IMMP2L: variants seen among roughly 807,000 people sequenced by gnomAD.
IMMP2L encodes mitochondrial inner membrane protease subunit 2.
IMMP2L carries 18 observed loss-of-function variants against 19.3 expected under a neutral mutation model. That is an observed-to-expected ratio of 0.93 (90% CI 0.64 to 1.38). IMMP2L has a LOEUF of 1.38. Ranked by LOEUF, IMMP2L falls within the 40% of genes most tolerant of loss-of-function variation. The probability of loss-of-function intolerance (pLI) is 0.00; values close to 1 mark genes in which losing one functional copy is unlikely to be tolerated. For synonymous variants in IMMP2L, 76 were observed against 73.0 expected, an observed-to-expected ratio of 1.04 and a Z score of -0.21; for missense variants, 233 against 218.2, an observed-to-expected ratio of 1.07 and a Z score of -0.43.
chr7:111,502,854 C>T (rs575890020), intron 2 of IMMP2L, among the ~76,000 whole-genome samples: 13,380 of 149,964 alleles, frequency 0.089, 661 homozygotes, highest in African/African-American at 0.14. Context: ...ACTAAATGCC[C>T]ACAAGAGAAA....
chr7:111,061,447 G>C (rs563382712), intron 3 of IMMP2L, among the ~76,000 whole-genome samples: 5 of 152,108 alleles, frequency 3.3e-5, no homozygotes, highest in African/African-American at 1.2e-4. Context: ...AATGACGAAG[G>C]GGTGAATTTA....
intron 3 of IMMP2L, among the ~76,000 whole-genome samples, chr7:111,228,861 G>C (rs1162195932): frequency 1.3e-5 from 2 of 151,700 alleles, no homozygotes; most frequent in East Asian, 1.9e-4. Flanking sequence ...AAAATTAATG[G>C]ATATATGTAA....
At chr7:110,751,174 A>C (rs1051640294) in intron 5 of IMMP2L, among the ~76,000 whole-genome samples, 1 of 152,040 alleles carries the variant, frequency 6.6e-6, no homozygotes, top group African/African-American at 2.4e-5. Flanking sequence ...ACTTAAAAAA[A>C]AAAAAAATCA....
chr7:111,413,466 T>C (rs1044073065), intron 3 of IMMP2L, among the ~76,000 whole-genome samples: 3 of 151,896 alleles, frequency 2.0e-5, no homozygotes, highest in Non-Finnish European at 4.4e-5. Flanking sequence ...AACAAAATAT[T>C]ACCAAATCAA....
chr7:110,994,216 A>G (rs76813615), intron 3 of IMMP2L, among the ~76,000 whole-genome samples: 4,632 of 151,590 alleles, frequency 0.031, 114 homozygotes, highest in South Asian at 0.077. Flanking sequence ...TTAGGCCCAA[A>G]CCTGCTTCCT....
At chr7:111,200,109 T>C (rs965335513) in intron 3 of IMMP2L, among the ~76,000 whole-genome samples, 1 of 152,100 alleles carries the variant, frequency 6.6e-6, no homozygotes, top group Non-Finnish European at 1.5e-5. Flanking sequence ...ATTGTACATA[T>C]GAAATGTGAG....
chr7:111,198,642 G>A (rs897307272), intron 3 of IMMP2L, among the ~76,000 whole-genome samples: 18 of 152,112 alleles, frequency 1.2e-4, no homozygotes, highest in South Asian at 2.1e-4. Context: ...TACAAATGAT[G>A]CCTTTTTCCA....
intron 3 of IMMP2L, among the ~76,000 whole-genome samples, chr7:111,250,121 C>A (rs747179879): frequency 1.3e-5 from 2 of 152,000 alleles, no homozygotes; most frequent in Non-Finnish European, 2.9e-5. Context: ...AACAGAAAAG[C>A]GGAGTGGTGA....
intron 5 of IMMP2L, among the ~76,000 whole-genome samples, chr7:110,769,731 G>T (rs182071208): frequency 6.6e-6 from 1 of 152,144 alleles, no homozygotes; most frequent in East Asian, 1.9e-4. Flanking sequence ...AGAAATAAAA[G>T]TTAGTGAAAA....
chr7:110,835,991 T>G (rs924156968), intron 5 of IMMP2L, among the ~76,000 whole-genome samples: 1 of 152,142 alleles, frequency 6.6e-6, no homozygotes, highest in Non-Finnish European at 1.5e-5. Flanking sequence ...CACTGTCATT[T>G]GTAGCTAGAA....
intron 4 of IMMP2L, among the ~76,000 whole-genome samples, chr7:110,946,017 C>A (rs903540214): frequency 1.3e-5 from 2 of 152,074 alleles, no homozygotes; most frequent in African/African-American, 2.4e-5. Context: ...CTGATTAAAC[C>A]AAAATGTAAA....
chr7:110,723,682 A>G (rs1028971843), intron 5 of IMMP2L, among the ~76,000 whole-genome samples: 3 of 152,154 alleles, frequency 2.0e-5, no homozygotes, highest in African/African-American at 7.2e-5. Context: ...CAGTTTCAAG[A>G]GATATTTACT....
intron 4 of IMMP2L, among the ~76,000 whole-genome samples, chr7:110,946,718 C>CTTTTTTT (rs754971058): frequency 1.5e-4 from 17 of 114,158 alleles, no homozygotes; most frequent in African/African-American, 3.8e-4. Flanking sequence ...CATTTAATAC[C>CTTTTTTT]TTTTTTTTTT....
intron 5 of IMMP2L, among the ~76,000 whole-genome samples, chr7:110,872,723 C>A (rs1808655880): frequency 6.6e-6 from 1 of 152,156 alleles, no homozygotes; most frequent in Non-Finnish European, 1.5e-5. Context: ...CTAGATCCTG[C>A]CCCACTGGTC....
At chr7:111,111,579 T>C (rs1799207325) in intron 3 of IMMP2L, among the ~76,000 whole-genome samples, 1 of 152,114 alleles carries the variant, frequency 6.6e-6, no homozygotes, top group Non-Finnish European at 1.5e-5. Flanking sequence ...AATGGTATAG[T>C]AGTCAAATAT....
chr7:111,075,885 T>C (rs1387099221), intron 3 of IMMP2L, among the ~76,000 whole-genome samples: 1 of 152,244 alleles, frequency 6.6e-6, no homozygotes, highest in African/African-American at 2.4e-5. Context: ...TAACTCACTA[T>C]TCTGAACTAT....
chr7:110,851,413 G>GTC (rs1806213846), intron 5 of IMMP2L, among the ~76,000 whole-genome samples: 4 of 152,086 alleles, frequency 2.6e-5, no homozygotes, highest in Non-Finnish European at 5.9e-5. Flanking sequence ...AGCAAACTTT[G>GTC]GCCAATGGGA....
chr7:111,098,102 A>C (rs1468821351), intron 3 of IMMP2L, among the ~76,000 whole-genome samples: 1 of 151,844 alleles, frequency 6.6e-6, no homozygotes, highest in Non-Finnish European at 1.5e-5. Context: ...TAAACTTTGA[A>C]AGCTCTATTC....
At chr7:111,131,596 C>A (rs1310864984) in intron 3 of IMMP2L, among the ~76,000 whole-genome samples, 1 of 151,840 alleles carries the variant, frequency 6.6e-6, no homozygotes, top group Non-Finnish European at 1.5e-5. Flanking sequence ...TGCCATCTTA[C>A]AATATGACAG....
Sources: gnomAD v4.1 joint callset for allele counts (sites outside exome capture counted in the v4.1 genomes callset) on GRCh38, gnomAD v4.1.1 for gene constraint, MANE v1.5 for transcripts, NCBI Gene and HGNC (gene_info 2026-07-23, HGNC 2026-07-21) for gene names.